The following SDK1 variants were observed in gnomAD, a reference collection of about 807,000 sequenced individuals.
The protein encoded by SDK1 is sidekick cell adhesion molecule 1.
In SDK1, 157 loss-of-function variants were observed where a neutral mutation model predicts 245.5. That is an observed-to-expected ratio of 0.64 (90% CI 0.56 to 0.73). SDK1 has a LOEUF of 0.73. Among genes scored for constraint, SDK1 ranks in the 30% least tolerant of loss-of-function variants. The pLI is 0.00. For synonymous variants in SDK1, 1,647 were observed against 1,278.5 expected (o/e 1.29, Z -6.15); for missense variants, 3,583 against 3,002.3 (o/e 1.19, Z -4.52).
rs554012305 is a variant in SDK1, at chr7:4,267,581, C to G, written c.*2197C>G. 1.1e-3 allele frequency: 1,055 copies of G among 985,446 alleles called. No homozygotes were observed. The highest frequency in any genetic ancestry group is 1.2e-3 in the Non-Finnish European group (1,027 of 829,930). 61.0% of individuals were successfully genotyped at this position (985,446 alleles called of 1,614,324 possible). On this transcript the variant is annotated 3_prime_UTR_variant, in exon 45 of 45. Transcript: ENST00000404826. Reference sequence around the variant, plus strand: ...GAGAAGCGATAAATGGAGACCATGGCCAGCGCTGCTTTCTGTGCACTCTGA... The same window carrying G: ...GAGAAGCGATAAATGGAGACCATGGGCAGCGCTGCTTTCTGTGCACTCTGA...
intron 7 of SDK1, 36 bp downstream of exon 7, chr7:3,951,956 C>T (rs1186924696): frequency 1.0e-5 from 16 of 1,569,918 alleles, no homozygotes; most frequent in Non-Finnish European, 1.2e-5. Context: ...TTGCCAGCAT[C>T]TCAGATAGCA....
At position 3,764,396 on chromosome 7, in the gene SDK1, C is replaced by G. The variant is rs137855260; in HGVS notation, c.714-57054C>G. On this transcript the variant is annotated intron_variant, in intron 4 of 44. Transcript: ENST00000404826. ...CGATGCAATTCATAGATTAAAATAACCATCCTAGGCCGGGCACAGTGACTC... is the reference window on the plus strand; with the variant it reads ...CGATGCAATTCATAGATTAAAATAAGCATCCTAGGCCGGGCACAGTGACTC... Among the ~76,000 whole-genome samples the G allele has an allele frequency of 2.0e-5, 3 of 152,232 alleles. No homozygotes were observed. The East Asian group carries it at 5.8e-4, about 29-fold the overall frequency.
At chr7:3,340,988 C>T (rs1288706499) in intron 1 of SDK1, among the ~76,000 whole-genome samples, 1 of 151,894 alleles carries the variant, frequency 6.6e-6, no homozygotes, top group Non-Finnish European at 1.5e-5. Context: ...GGAGAGAAGA[C>T]CTAGAAAACA....
chr7:4,013,424 TG>T (rs1263233028), intron 16 of SDK1, among the ~76,000 whole-genome samples: 1 of 152,216 alleles, frequency 6.6e-6, no homozygotes, highest in East Asian at 1.9e-4. Flanking sequence ...ACAAGAACAG[TG>T]GGTATCCGCT....
chr7:3,315,897 A>G (rs1207156214), intron 1 of SDK1, among the ~76,000 whole-genome samples: 1 of 152,116 alleles, frequency 6.6e-6, no homozygotes, highest in Non-Finnish European at 1.5e-5. Context: ...ATCTGTTGGA[A>G]AAAAGCATGC....
chr7:4,189,208 G>A (rs1049969814), intron 35 of SDK1, among the ~76,000 whole-genome samples: 9 of 152,244 alleles, frequency 5.9e-5, no homozygotes, highest in East Asian at 3.9e-4. Flanking sequence ...GGCTGGCAGC[G>A]CTCCTGGTGC....
At chr7:3,356,389 G>C (rs1157192183) in intron 1 of SDK1, among the ~76,000 whole-genome samples, 1 of 152,132 alleles carries the variant, frequency 6.6e-6, no homozygotes, top group Non-Finnish European at 1.5e-5. Flanking sequence ...GGAAGCCCTC[G>C]TGTTTGTTAC....
rs762587260 is a variant in SDK1, at chr7:4,241,786, G to T, written c.6131-7G>T. ...ACGTCTGTTCTCACTCTCCTGCTGGGCTTTAGGAAAGGGGATCTCCACCAT... is the reference window on the plus strand; with the variant it reads ...ACGTCTGTTCTCACTCTCCTGCTGGTCTTTAGGAAAGGGGATCTCCACCAT... On this transcript the variant is annotated splice_polypyrimidine_tract_variant and splice_region_variant and intron_variant, in intron 42 of 44. Coordinates refer to ENST00000404826, the MANE Select transcript of SDK1 (RefSeq NM_152744.4). The T allele has an allele frequency of 4.3e-6, 7 of 1,614,020 alleles. No homozygotes were observed. In the Admixed American group the frequency reaches 1.2e-4, roughly 27 times the overall value.
At chr7:4,156,061 C>T (rs1254539766) in intron 30 of SDK1, among the ~76,000 whole-genome samples, 1 of 152,182 alleles carries the variant, frequency 6.6e-6, no homozygotes, top group Non-Finnish European at 1.5e-5. Context: ...TTAAGCCTCA[C>T]CTCAGTTTCA....
intron 4 of SDK1, among the ~76,000 whole-genome samples, chr7:3,697,160 C>T (rs541061324): frequency 1.3e-5 from 2 of 152,270 alleles, no homozygotes; most frequent in African/African-American, 2.4e-5. Flanking sequence ...CATCAATGAT[C>T]CCATGCTAGG....
chr7:3,903,152 T>TTTG (rs1562524613), intron 5 of SDK1, among the ~76,000 whole-genome samples: 1 of 151,198 alleles, frequency 6.6e-6, no homozygotes, highest in African/African-American at 2.4e-5. Flanking sequence ...TTGTTTTGTT[T>TTTG]TTTTTTTTTT....
chr7:3,973,237 G>A (rs1379842065), intron 12 of SDK1, among the ~76,000 whole-genome samples: 1 of 152,156 alleles, frequency 6.6e-6, no homozygotes, highest in Non-Finnish European at 1.5e-5. Flanking sequence ...TCTCCCTCTT[G>A]TGGAATCAGC....
intron 37 of SDK1, among the ~76,000 whole-genome samples, chr7:4,209,249 C>CTACA (rs2128227970): frequency 6.6e-6 from 1 of 152,286 alleles, no homozygotes; most frequent in Admixed American, 6.5e-5. Flanking sequence ...TGGCAGGTCA[C>CTACA]AGCTGTGGGT....
At chr7:3,922,456 G>T (rs1256849656) in intron 5 of SDK1, among the ~76,000 whole-genome samples, 1 of 152,198 alleles carries the variant, frequency 6.6e-6, no homozygotes, top group South Asian at 2.1e-4. Context: ...ATGTTCCTCC[G>T]AATACCACTG....
In SDK1 at chr7:3,967,363, C is replaced by G; in HGVS notation, c.1475C>G (p.Thr492Ser). Residue 492 changes from threonine (T) to serine (S), a missense_variant, in exon 10 of 45, where the codon ACT (threonine) becomes AGT (serine). Coordinates refer to ENST00000404826, the MANE Select transcript of SDK1 (RefSeq NM_152744.4). The part of the protein sequence containing the change: ...FTQRPVDTTV[T>S]DGMTAILRCE... The stretch of plus-strand genomic sequence containing the variant: ...CAGCGGCCAGTGGACACCACAGTTA[C>G]TGACGGGATGACAGCCATTCTAAGG... The G allele has an allele frequency of 1.2e-6, 2 of 1,614,188 alleles. No individual in the cohort carries two copies. Among genetic ancestry groups the G allele is most frequent in the East Asian group, 4.5e-5 (2 of 44,876 alleles).
chr7:4,268,169 C>G lies in SDK1; in HGVS notation c.*2785C>G. On this transcript the variant is annotated 3_prime_UTR_variant, in exon 45 of 45. Coordinates refer to ENST00000404826, the MANE Select transcript of SDK1 (RefSeq NM_152744.4). ...TGCCTCATGACAGCAGTGGCTGAGT[C>G]TCCCCACCCACCCCCAACGTGGCTC... The G allele has an allele frequency of 1.0e-6, 1 of 987,086 alleles. No individual in the cohort carries two copies. The highest frequency in any genetic ancestry group is 1.2e-6 in the Non-Finnish European group (1 of 830,960). The allele number at this position is 987,086 out of a possible 1,614,324, so 61.1% of individuals were successfully genotyped here. A position where few individuals can be genotyped will look rare whatever the true frequency, so the allele number is the denominator to read the frequency against.
At chr7:3,629,448 A>G (rs1163747268) in intron 2 of SDK1, among the ~76,000 whole-genome samples, 2 of 152,206 alleles carry the variant, frequency 1.3e-5, no homozygotes, top group African/African-American at 4.8e-5. Context: ...AAGGGAAAGG[A>G]CTATCCAAGA....
At chr7:3,715,092 A>G (rs1358163934) in intron 4 of SDK1, among the ~76,000 whole-genome samples, 2 of 152,148 alleles carry the variant, frequency 1.3e-5, no homozygotes, top group African/African-American at 4.8e-5. Context: ...GTTAAATGCT[A>G]AGGTTGTAAT....
chr7:4,228,220 G>T (rs1304373045), intron 40 of SDK1, among the ~76,000 whole-genome samples: 1 of 152,180 alleles, frequency 6.6e-6, no homozygotes, highest in Non-Finnish European at 1.5e-5. Context: ...TTTCTCAGTG[G>T]CTTCCCACTT....
Sources: gnomAD v4.1 joint callset for allele counts (sites outside exome capture counted in the v4.1 genomes callset) on GRCh38, gnomAD v4.1.1 for gene constraint, MANE v1.5 for transcripts, NCBI Gene and HGNC (gene_info 2026-07-23, HGNC 2026-07-21) for gene names.